The following DENND5B variants were observed in gnomAD, a reference collection of about 807,000 sequenced individuals.
DENND5B encodes DENN domain-containing protein 5B.
Under a neutral mutation model 140.6 loss-of-function variants are expected in DENND5B, and 34 were observed. The ratio of observed to expected loss-of-function variants is 0.24; its 90% CI spans 0.18 to 0.32. The LOEUF is 0.32. Among genes scored for constraint, DENND5B ranks in the 10% least tolerant of loss-of-function variants. The pLI, the probability that DENND5B is intolerant of heterozygous loss-of-function variation, is 1.00. For missense variants in DENND5B, 1,142 were observed against 1,560.2 expected, an observed-to-expected ratio of 0.73 and a Z score of 4.52; for synonymous variants, 551 against 562.1, an observed-to-expected ratio of 0.98 and a Z score of 0.28.
intron 14 of DENND5B, among the ~76,000 whole-genome samples, chr12:31,408,290 C>T (rs1449247689): frequency 6.6e-6 from 1 of 151,726 alleles, no homozygotes; most frequent in Non-Finnish European, 1.5e-5. Flanking sequence ...CAGAGCCAGA[C>T]ACCATCTCAA....
chr12:31,590,974 G>C lies in DENND5B; in HGVS notation c.-142C>G, dbSNP rs551636732. On this transcript the variant is annotated 5_prime_UTR_variant, in exon 1 of 21. Transcript: ENST00000389082. The stretch of plus-strand genomic sequence containing the variant: ...GCCCATGGCCGCGCAGCCGCCTCTC[G>C]CCGCCGCAGCCTGCCTCCTCGCTCG... The C allele has an allele frequency of 2.4e-4, 228 of 931,276 alleles. 1 individual carries two copies. The African/African-American group carries it at 3.9e-3, about 16-fold the overall frequency. The allele number at this position is 931,276 out of a possible 1,614,324, so 57.7% of individuals were successfully genotyped here.
intron 9 of DENND5B, among the ~76,000 whole-genome samples, chr12:31,425,171 C>A (rs1036006747): frequency 6.6e-6 from 1 of 152,048 alleles, no homozygotes; most frequent in Non-Finnish European, 1.5e-5. Flanking sequence ...GTTAGCCGGG[C>A]AGTAGTGGCA....
At chr12:31,562,140 G>A (rs1355750875) in intron 1 of DENND5B, among the ~76,000 whole-genome samples, 2 of 152,096 alleles carry the variant, frequency 1.3e-5, no homozygotes, top group African/African-American at 2.4e-5. Context: ...CCCTCAAGTA[G>A]CTTCAAGTCT....
intron 11 of DENND5B, among the ~76,000 whole-genome samples, 198 bp downstream of exon 11, chr12:31,423,399 G>A (rs1009972104): frequency 2.0e-5 from 3 of 152,210 alleles, no homozygotes; most frequent in African/African-American, 2.4e-5. Flanking sequence ...TATAGATGAC[G>A]AAGCAGGACT....
intron 8 of DENND5B, among the ~76,000 whole-genome samples, chr12:31,427,290 CTT>C (rs1943283305): frequency 6.6e-6 from 1 of 152,170 alleles, no homozygotes; most frequent in Middle Eastern, 3.4e-3. Flanking sequence ...TGCTCTCTCT[CTT>C]CTTTCTATGC....
At chr12:31,515,959 A>G (rs1430042820) in intron 1 of DENND5B, among the ~76,000 whole-genome samples, 21 of 152,216 alleles carry the variant, frequency 1.4e-4, no homozygotes, top group Admixed American at 1.4e-3. Flanking sequence ...GAGGCTTTAG[A>G]GCATATCTTA....
intron 1 of DENND5B, among the ~76,000 whole-genome samples, chr12:31,577,894 G>A (rs1950071346): frequency 6.6e-6 from 1 of 151,788 alleles, no homozygotes; most frequent in South Asian, 2.1e-4. Flanking sequence ...GGAGGCCGAG[G>A]CAGACTGATA....
At chr12:31,565,237 T>A (rs1398648924) in intron 1 of DENND5B, among the ~76,000 whole-genome samples, 3 of 151,438 alleles carry the variant, frequency 2.0e-5, no homozygotes, top group Non-Finnish European at 4.4e-5. Context: ...CACAAAAAAA[T>A]AAAAAAACCA....
intron 5 of DENND5B, among the ~76,000 whole-genome samples, chr12:31,449,922 G>A (rs919587247): frequency 1.3e-5 from 2 of 151,802 alleles, no homozygotes; most frequent in Non-Finnish European, 2.9e-5. Context: ...TAGTAGAGAC[G>A]AGGTTTCACC....
At chr12:31,443,520 T>C (rs1378873388) in intron 6 of DENND5B, among the ~76,000 whole-genome samples, 2 of 152,202 alleles carry the variant, frequency 1.3e-5, no homozygotes, top group Admixed American at 1.3e-4. Context: ...AAGCCTACAA[T>C]TTTGTATTGA....
intron 7 of DENND5B, among the ~76,000 whole-genome samples, chr12:31,435,745 C>T (rs1466471275): frequency 3.9e-5 from 6 of 152,076 alleles, no homozygotes; most frequent in African/African-American, 1.4e-4. Flanking sequence ...ACTGCAACCT[C>T]CACCTCCTGG....
chr12:31,419,114 A>G (rs1942902332), intron 11 of DENND5B, among the ~76,000 whole-genome samples: 1 of 152,188 alleles, frequency 6.6e-6, no homozygotes, highest in Admixed American at 6.6e-5. Context: ...AAAATCTAAG[A>G]AGGTTTCCAT....
chr12:31,397,760 T>C (rs1487785821), intron 17 of DENND5B, among the ~76,000 whole-genome samples: 2 of 151,530 alleles, frequency 1.3e-5, no homozygotes, highest in African/African-American at 4.8e-5. Flanking sequence ...AGGCAGTCTA[T>C]AAAAAATACA....
At chr12:31,555,818 C>G (rs1949257036) in intron 1 of DENND5B, among the ~76,000 whole-genome samples, 2 of 152,168 alleles carry the variant, frequency 1.3e-5, no homozygotes, top group Non-Finnish European at 2.9e-5. Flanking sequence ...GCTATGCTAG[C>G]AATGAGCGAG....
chr12:31,487,522 G>GA (rs1332494478), intron 2 of DENND5B, among the ~76,000 whole-genome samples: 1 of 152,002 alleles, frequency 6.6e-6, no homozygotes, highest in Admixed American at 6.6e-5. Flanking sequence ...GCAACATGAC[G>GA]AAACCCTGCC....
chr12:31,558,719 G>C (rs1003572856), intron 1 of DENND5B, among the ~76,000 whole-genome samples: 7 of 152,120 alleles, frequency 4.6e-5, no homozygotes, highest in Admixed American at 1.3e-4. Flanking sequence ...TAAAGGACTG[G>C]CTTAATTTCA....
At chr12:31,505,715 G>A (rs2138865590) in intron 1 of DENND5B, among the ~76,000 whole-genome samples, 1 of 152,108 alleles carries the variant, frequency 6.6e-6, no homozygotes, top group Admixed American at 6.5e-5. Context: ...GTCATGAAAG[G>A]AATCAAACAA....
chr12:31,584,429 A>T (rs965106548), intron 1 of DENND5B, among the ~76,000 whole-genome samples: 2 of 152,190 alleles, frequency 1.3e-5, no homozygotes, highest in Non-Finnish European at 2.9e-5. Flanking sequence ...TTTCCAGTAG[A>T]TTTCCAAAAT....
At chr12:31,505,737 A>AG (rs1315448036) in intron 1 of DENND5B, among the ~76,000 whole-genome samples, 2 of 152,114 alleles carry the variant, frequency 1.3e-5, no homozygotes, top group Non-Finnish European at 2.9e-5. Flanking sequence ...AGAATCTTGG[A>AG]GGGGTCTCTG....
Sources: allele counts gnomAD v4.1 joint callset (sites outside exome capture counted in the v4.1 genomes callset), GRCh38; gene constraint gnomAD v4.1.1; transcripts MANE v1.5; gene names NCBI Gene and HGNC (gene_info 2026-07-23, HGNC 2026-07-21).